PAPSS1: variants seen among roughly 807,000 people sequenced by gnomAD.
PAPSS1 encodes bifunctional 3'-phosphoadenosine 5'-phosphosulfate synthase 1.
PAPSS1 carries 50 observed loss-of-function variants against 72.0 expected under a neutral mutation model. That is an observed-to-expected ratio of 0.69 (90% CI 0.55 to 0.88). The LOEUF (loss-of-function observed/expected upper bound fraction) is 0.88. PAPSS1 is among the 40% of genes least tolerant of loss of function. PAPSS1 has a pLI of 0.00. For missense variants in PAPSS1, 657 were observed against 782.2 expected (o/e 0.84, Z 1.91); for synonymous variants, 261 against 263.6 (o/e 0.99, Z 0.09).
chr4:107,703,396 T>C (rs1443003568), intron 1 of PAPSS1, among the ~76,000 whole-genome samples: 1 of 133,842 alleles, frequency 7.5e-6, no homozygotes, highest in Non-Finnish European at 1.6e-5. Flanking sequence ...TTGTTGCTTG[T>C]ACTTTTGGAG....
intron 11 of PAPSS1, among the ~76,000 whole-genome samples, chr4:107,625,132 A>C (rs1255983708): frequency 6.6e-6 from 1 of 152,232 alleles, no homozygotes; most frequent in Non-Finnish European, 1.5e-5. Flanking sequence ...AAGAAGAAAT[A>C]AATTTAGAAA....
At chr4:107,673,512 A>C (rs548256743) in intron 5 of PAPSS1, among the ~76,000 whole-genome samples, 1 of 152,334 alleles carries the variant, frequency 6.6e-6, no homozygotes, top group Non-Finnish European at 1.5e-5. Flanking sequence ...GTTTAGAGAA[A>C]AAAAGAATAA....
intron 1 of PAPSS1, among the ~76,000 whole-genome samples, chr4:107,706,146 G>C (rs1161823413): frequency 6.6e-6 from 1 of 152,160 alleles, no homozygotes; most frequent in East Asian, 1.9e-4. Flanking sequence ...GATTGAATCT[G>C]ATTAGAACTT....
intron 5 of PAPSS1, among the ~76,000 whole-genome samples, chr4:107,676,572 G>T (rs1727656858): frequency 6.6e-6 from 1 of 152,116 alleles, no homozygotes; most frequent in South Asian, 2.1e-4. Flanking sequence ...ATGCTCATGG[G>T]TAGGAAGAAT....
intron 5 of PAPSS1, among the ~76,000 whole-genome samples, chr4:107,664,388 A>G (rs2110325663): frequency 6.6e-6 from 1 of 152,232 alleles, no homozygotes; most frequent in South Asian, 2.1e-4. Flanking sequence ...TACTGGCTAC[A>G]ACAAGGCATG....
intron 1 of PAPSS1, among the ~76,000 whole-genome samples, chr4:107,711,290 T>C (rs1723486704): frequency 6.6e-6 from 1 of 152,228 alleles, no homozygotes; most frequent in African/African-American, 2.4e-5. Flanking sequence ...TAATATTGCA[T>C]GTCCTCTGAT....
Position 107,659,972 on chromosome 4 carries a change from A to T in PAPSS1, c.770T>A (p.Leu257Gln). 6.3e-7 allele frequency: 1 copy of T among 1,579,132 alleles called. No individual in the cohort carries two copies. The highest frequency in any genetic ancestry group is 8.7e-7 in the Non-Finnish European group (1 of 1,150,152). ...AKTDAETLPA[L>Q]KINKVDMQWV... Reference sequence around the variant, plus strand: ...CGAAGAACTTACTTTATTAATTTTCAGTGCTGGTAATGTTTCCGCATCTGT... The same window carrying T: ...CGAAGAACTTACTTTATTAATTTTCTGTGCTGGTAATGTTTCCGCATCTGT... The change falls in exon 6 of 12, where the codon CTG becomes CAG. Residue 257 changes from leucine to glutamine, a missense_variant. Coordinates refer to ENST00000265174, the MANE Select transcript of PAPSS1 (RefSeq NM_005443.5).
chr4:107,637,184 T>G (rs1036580700), intron 10 of PAPSS1, among the ~76,000 whole-genome samples: 1 of 152,182 alleles, frequency 6.6e-6, no homozygotes, highest in Non-Finnish European at 1.5e-5. Flanking sequence ...GAGTTAGAAT[T>G]GTTCTAGATT....
chr4:107,631,884 G>A (rs745964546), intron 10 of PAPSS1, 24 bp from the exon 11 acceptor site: 1 of 1,535,816 alleles, frequency 6.5e-7, no homozygotes, highest in Non-Finnish European at 8.9e-7. Flanking sequence ...TTCATTTTAG[G>A]TAACTTTGCT....
chr4:107,634,888 C>T (rs1483447688), intron 10 of PAPSS1, among the ~76,000 whole-genome samples: 1 of 149,534 alleles, frequency 6.7e-6, no homozygotes, highest in East Asian at 2.0e-4. Context: ...AGCTCCGCCT[C>T]CTGGGTTCAC....
intron 2 of PAPSS1, among the ~76,000 whole-genome samples, chr4:107,699,120 C>G (rs181283027): frequency 6.6e-6 from 1 of 151,906 alleles, no homozygotes. Flanking sequence ...TGGAAAACAC[C>G]ACGTTCAAGA....
At chr4:107,682,464 G>A (rs1454690327) in intron 4 of PAPSS1, among the ~76,000 whole-genome samples, 3 of 152,204 alleles carry the variant, frequency 2.0e-5, no homozygotes, top group Non-Finnish European at 4.4e-5. Flanking sequence ...GCTGGGAACT[G>A]TGTCAGGTGT....
intron 11 of PAPSS1, among the ~76,000 whole-genome samples, chr4:107,622,011 G>C (rs1204749671): frequency 6.6e-6 from 1 of 152,108 alleles, no homozygotes; most frequent in East Asian, 1.9e-4. Flanking sequence ...CTTGTATGGG[G>C]AGACCTGGAC....
At chr4:107,640,071 C>T (rs1726495888) in intron 10 of PAPSS1, among the ~76,000 whole-genome samples, 1 of 152,184 alleles carries the variant, frequency 6.6e-6, no homozygotes, top group African/African-American at 2.4e-5. Flanking sequence ...AACATATATC[C>T]ACATTCTCAA....
In PAPSS1 at chr4:107,644,893, T is replaced by C. The variant is rs1266394620; in HGVS notation, c.1415A>G (p.His472Arg). 6.2e-6 allele frequency: 10 copies of C among 1,613,956 alleles called. No homozygotes were observed. Among genetic ancestry groups the C allele is most frequent in the Non-Finnish European group, 8.5e-6 (10 of 1,179,950 alleles). The stretch of plus-strand genomic sequence containing the variant: ...AACTCCTTCCTCCAACACTGCAGCA[T>C]GCTGCTTCATACGCCACATCAAAGG... ...DVPLMWRMKQ[H>R]AAVLEEGVLN... The change falls in exon 10 of 12, where the codon CAT (histidine) becomes CGT (arginine). Residue 472 changes from histidine (H) to arginine (R), a missense_variant. Physicochemically the swap from His to Arg is conservative, Grantham distance 29 (BLOSUM62 0). Around this residue, in one of 7 missense-constraint regions of PAPSS1, gnomAD observed 166 missense variants for 228.3 expected, o/e 0.73. Coordinates refer to ENST00000265174, the MANE Select transcript of PAPSS1 (RefSeq NM_005443.5).
intron 9 of PAPSS1, among the ~76,000 whole-genome samples, chr4:107,648,463 G>C (rs531563353): frequency 6.6e-6 from 1 of 152,172 alleles, no homozygotes; most frequent in Non-Finnish European, 1.5e-5. Context: ...CTAAATCCTA[G>C]TCAATCTTCC....
intron 1 of PAPSS1, among the ~76,000 whole-genome samples, chr4:107,707,296 G>A (rs1296640676): frequency 2.0e-5 from 3 of 152,200 alleles, no homozygotes; most frequent in Non-Finnish European, 2.9e-5. Context: ...GCCTGTGACA[G>A]CCAGCCTGGT....
intron 1 of PAPSS1, among the ~76,000 whole-genome samples, 192 bp from the exon 2 acceptor site, chr4:107,701,477 C>T (rs1723204540): frequency 6.6e-6 from 1 of 152,028 alleles, no homozygotes; most frequent in Non-Finnish European, 1.5e-5. Context: ...TTAATCCTCA[C>T]AGCAATCCAA....
chr4:107,719,701 C>G, intron 1 of PAPSS1: 1 of 664,354 alleles, frequency 1.5e-6, no homozygotes, highest in Non-Finnish European at 1.9e-6. Flanking sequence ...GCGTCGAAGG[C>G]GCCCGCCTCC....
Sources: gnomAD v4.1 joint callset for allele counts (sites outside exome capture counted in the v4.1 genomes callset) on GRCh38, gnomAD v4.1.1 for gene constraint, gnomAD v4.1.1 regional missense constraint, MANE v1.5 for transcripts, NCBI Gene and HGNC (gene_info 2026-07-23, HGNC 2026-07-21) for gene names.